CACNA1S: variants seen among roughly 807,000 people sequenced by gnomAD.
The protein encoded by CACNA1S is voltage-dependent L-type calcium channel subunit alpha-1S.
In CACNA1S, 126 loss-of-function variants were observed where a neutral mutation model predicts 207.4. That is an observed-to-expected ratio of 0.61 (90% CI 0.53 to 0.70). The LOEUF is 0.70. Ranked by LOEUF, CACNA1S falls within the 30% of genes least tolerant of loss-of-function variation. The pLI is 0.00. For synonymous variants in CACNA1S, 960 were observed against 932.7 expected (o/e 1.03, Z -0.53); for missense variants, 2,349 against 2,422.8 (o/e 0.97, Z 0.64).
intron 5 of CACNA1S, among the ~76,000 whole-genome samples, chr1:201,090,989 A>G (rs1051126192): frequency 6.6e-6 from 1 of 152,194 alleles, no homozygotes; most frequent in African/African-American, 2.4e-5. Flanking sequence ...GTGAATTAAT[A>G]AATTAATATT....
At chr1:201,085,156 G>A (rs1408428278) in intron 8 of CACNA1S, 125 bp from the exon 9 acceptor site, 2 of 782,514 alleles carry the variant, frequency 2.6e-6, no homozygotes, top group African/African-American at 1.7e-5. Flanking sequence ...TCCTAGGTAG[G>A]CCTGGATTGC....
At chr1:201,061,631 A>G (rs1661054582) in intron 24 of CACNA1S, among the ~76,000 whole-genome samples, 163 bp from the exon 25 acceptor site, 1 of 152,076 alleles carries the variant, frequency 6.6e-6, no homozygotes, top group Non-Finnish European at 1.5e-5. Context: ...GAAAGACCAG[A>G]CCCAATCCTG....
At chr1:201,073,996 T>G (rs1031201962) in intron 14 of CACNA1S, among the ~76,000 whole-genome samples, 8 of 152,144 alleles carry the variant, frequency 5.3e-5, no homozygotes, top group Admixed American at 5.2e-4. Context: ...ATGTCTGAAC[T>G]CCATTGCTGG....
chr1:201,073,604 A>G lies in CACNA1S; in HGVS notation c.2102T>C (p.Met701Thr), dbSNP rs1270016536. The G allele has an allele frequency of 6.2e-7, 1 of 1,614,232 alleles. No homozygotes were observed. Among genetic ancestry groups the G allele is most frequent in the Admixed American group, 1.7e-5 (1 of 60,022 alleles). ...PDKSEEEKST[M>T]AKKLEQKPKG... is the part of the protein sequence containing the mutation. ...GGGTTTCTGCTCCAGCTTCTTGGCCATCGTTGACTTCTCCTCTTCTGACTT... is the reference window on the plus strand; with the variant it reads ...GGGTTTCTGCTCCAGCTTCTTGGCCGTCGTTGACTTCTCCTCTTCTGACTT... The change falls in exon 15 of 44, where the codon ATG becomes ACG. Residue 701 changes from methionine (M) to threonine (T), a missense_variant. Physicochemically the swap from Met to Thr is moderately conservative, Grantham distance 81. Transcript: ENST00000362061.
At position 201,093,986 on chromosome 1, in the gene CACNA1S, C is replaced by G. The variant is rs201012916; in HGVS notation, c.294G>C (p.Ser98=). Residue 98 remains serine, a synonymous_variant, in exon 3 of 44, where the codon TCG becomes TCC. Transcript: ENST00000362061. ...CAATGATCTTCATGGCGGCTTCAAT[C>G]GAGAAGACAATGAGGAAGAAATACT... is the stretch of plus-strand genomic sequence containing the variant. ...KLEYFFLIVF[S]IEAAMKIIAY... The G allele has an allele frequency of 1.9e-6, 3 of 1,614,196 alleles. 1 individual carries two copies. The highest frequency in any genetic ancestry group is 2.2e-5 in the South Asian group (2 of 91,078).
At position 201,057,159 on chromosome 1, in the gene CACNA1S, C is replaced by A. The variant is rs34754698; in HGVS notation, c.3609+1249G>T. On this transcript the variant is annotated intron_variant, in intron 28 of 43. Transcript: ENST00000362061. ...TAAAATCCAAGATCATAACCATGGCCTTCAAGGGCCTAGATGATCTGGCCC... is the reference window on the plus strand; with the variant it reads ...TAAAATCCAAGATCATAACCATGGCATTCAAGGGCCTAGATGATCTGGCCC... 0.017 allele frequency among the ~76,000 whole-genome samples: 2,573 copies of A among 152,358 alleles called. 125 individuals are homozygous for A. The East Asian group carries it at 0.17, about 10-fold the overall frequency.
At chr1:201,110,085 G>A in intron 2 of CACNA1S, 79 bp downstream of exon 2, 1 of 1,286,618 alleles carries the variant, frequency 7.8e-7, no homozygotes, top group Non-Finnish European at 1.1e-6. Flanking sequence ...CCATCCCCCA[G>A]AACAGAGTCC....
chr1:201,069,669 C>T (rs1661383976), intron 17 of CACNA1S, 68 bp from the exon 18 acceptor site: 1 of 1,536,738 alleles, frequency 6.5e-7, no homozygotes, highest in Non-Finnish European at 8.8e-7. Flanking sequence ...CATCAGCCTC[C>T]ATCCTGCGGA....
rs932710356 is a variant in CACNA1S, at chr1:201,053,105, C to T, written c.3861+104G>A. 225 of 1,288,166 alleles carry T rather than the reference C, an allele frequency of 1.7e-4. No individual in the cohort carries two copies. Among genetic ancestry groups the T allele is most frequent in the Non-Finnish European group, 2.2e-4 (192 of 882,996 alleles). The allele number at this position is 1,288,166 out of a possible 1,614,324, so 79.8% of individuals were successfully genotyped here. A position where few individuals can be genotyped will look rare whatever the true frequency, so the allele number is the denominator to read the frequency against. On this transcript the variant is annotated intron_variant, in intron 31 of 43. Transcript: ENST00000362061. This position sits in a 1 kb window ranked among gnomAD's most constrained non-coding sequence, Gnocchi z 5.1. Reference sequence around the variant, plus strand: ...TTTCTCACGAGCAAGGCAGGGAGGGCGGAGGGTCCAGCCCGTGTGCTGCTC... The same window carrying T: ...TTTCTCACGAGCAAGGCAGGGAGGGTGGAGGGTCCAGCCCGTGTGCTGCTC...
At position 201,093,924 on chromosome 1, in the gene CACNA1S, C is replaced by G. The variant is rs749588662; in HGVS notation, c.356G>C (p.Arg119Pro). The G allele has an allele frequency of 2.8e-5, 45 of 1,614,076 alleles. No homozygotes were observed. The highest frequency in any genetic ancestry group is 3.7e-5 in the Non-Finnish European group (44 of 1,180,050). Residue 119 changes from arginine to proline, a missense_variant, in exon 3 of 44, where the codon CGC (arginine) becomes CCC (proline). Physicochemically the swap from Arg to Pro is moderately radical, Grantham distance 103. Coordinates refer to ENST00000362061, the MANE Select transcript of CACNA1S (RefSeq NM_000069.3). ...GFLFHQDAYL[R>P]SGWNVLDFTI... ...GAAGTCCAGCACATTCCAGCCACTG[C>G]GCAGGTAAGCGTCCTGGTGGAATAA...
chr1:201,111,051 G>T (rs988933010), intron 1 of CACNA1S, among the ~76,000 whole-genome samples: 1 of 147,166 alleles, frequency 6.8e-6, no homozygotes, highest in Non-Finnish European at 1.5e-5. Flanking sequence ...AAAGAGGAGG[G>T]CCACAGGGGC....
intron 16 of CACNA1S, 128 bp from the exon 17 acceptor site, chr1:201,070,532 C>T (rs1661410446): frequency 7.8e-7 from 1 of 1,288,374 alleles, no homozygotes; most frequent in Admixed American, 1.8e-5. Context: ...TGACTTGGGA[C>T]CCTAGGGCTT....
chr1:201,074,606 C>T lies in CACNA1S; in HGVS notation c.1963G>A (p.Val655Ile), dbSNP rs751947101. ...FVCGNYILLN[V>I]FLAIAVDNLA... ...TTGTCCACGGCAATGGCCAGGAAGA[C>T]ATTGAGCAGGATGTCTGAGCGGGTT... The change falls in exon 14 of 44, where the codon GTC (valine) becomes ATC (isoleucine). Residue 655 changes from valine (V) to isoleucine (I), a missense_variant. Physicochemically the swap from Val to Ile is conservative, Grantham distance 29. Transcript: ENST00000362061. The T allele has an allele frequency of 6.2e-7, 1 of 1,612,512 alleles. No homozygotes were observed. Among genetic ancestry groups the T allele is most frequent in the Non-Finnish European group, 8.5e-7 (1 of 1,178,724 alleles).
chr1:201,053,175 T>C lies in CACNA1S; in HGVS notation c.3861+34A>G. 1 of 1,613,042 alleles carries C rather than the reference T, an allele frequency of 6.2e-7. No individual in the cohort carries two copies. Among genetic ancestry groups the C allele is most frequent in the South Asian group, 1.1e-5 (1 of 91,070 alleles). On this transcript the variant is annotated intron_variant, in intron 31 of 43. Transcript: ENST00000362061. The surrounding 1 kb of genome is among the most constrained non-coding windows in gnomAD (Gnocchi z 5.1). Reference sequence around the variant, plus strand: ...GATGCCCCCTCTAACTTGGCCAAGATCCATGCTTTGGCCTGGGCCCGCCTG... The same window carrying C: ...GATGCCCCCTCTAACTTGGCCAAGACCCATGCTTTGGCCTGGGCCCGCCTG...
intron 27 of CACNA1S, 22 bp downstream of exon 27, chr1:201,059,165 TGG>T (rs1336877613): frequency 6.8e-7 from 1 of 1,479,722 alleles, no homozygotes; most frequent in South Asian, 1.1e-5. Context: ...GCTTCTCATC[TGG>T]CCCGGTGGCC....
intron 9 of CACNA1S, among the ~76,000 whole-genome samples, chr1:201,084,524 C>T (rs994316750): frequency 2.0e-5 from 3 of 152,204 alleles, no homozygotes; most frequent in East Asian, 1.9e-4. Context: ...GGCGAGAGAG[C>T]GTGGAGTGTG....
rs1660078743 is a variant in CACNA1S at position 201,040,089 on chromosome 1, G to A, written c.5371-7C>T. The A allele has an allele frequency of 6.2e-7, 1 of 1,614,050 alleles. No individual in the cohort carries two copies. The highest frequency in any genetic ancestry group is 1.1e-5 in the South Asian group (1 of 91,082). On this transcript the variant is annotated splice_region_variant and splice_polypyrimidine_tract_variant and intron_variant, in intron 43 of 43. Transcript: ENST00000362061. Reference sequence around the variant, plus strand: ...GGCCCCCTCGAACCAGAGCCTGCAGGGAGGAGAGTAGGCTGAGTGGGGTCT... The same window carrying A: ...GGCCCCCTCGAACCAGAGCCTGCAGAGAGGAGAGTAGGCTGAGTGGGGTCT...
chr1:201,091,299 C>A (rs1662218995), intron 5 of CACNA1S, among the ~76,000 whole-genome samples: 1 of 152,180 alleles, frequency 6.6e-6, no homozygotes, highest in African/African-American at 2.4e-5. Context: ...AACTATGCGA[C>A]AGGAAATGTA....
chr1:201,062,607 G>A, intron 22 of CACNA1S, 93 bp from the exon 23 acceptor site: 2 of 1,117,664 alleles, frequency 1.8e-6, no homozygotes, highest in Non-Finnish European at 2.7e-6. Flanking sequence ...TGGAAGGGGG[G>A]AGGGAAGGCA....
Sources: allele counts gnomAD v4.1 joint callset (sites outside exome capture counted in the v4.1 genomes callset), GRCh38; gene constraint gnomAD v4.1.1; non-coding constraint Gnocchi (gnomAD v3.1); transcripts MANE v1.5; gene names NCBI Gene and HGNC (gene_info 2026-07-23, HGNC 2026-07-21).